Variants in DIAPH2 observed in about 807,000 individuals in gnomAD.
DIAPH2 encodes diaphanous related formin 2.
A neutral mutation model predicts 92.7 loss-of-function variants in DIAPH2; 35 were observed. The ratio of observed to expected loss-of-function variants is 0.38; its 90% CI spans 0.29 to 0.50. DIAPH2 has a LOEUF of 0.50. Ranked by LOEUF, DIAPH2 falls within the 20% of genes least tolerant of loss-of-function variation. The pLI, the probability that DIAPH2 is intolerant of heterozygous loss-of-function variation, is 0.94. For missense variants in DIAPH2, 701 were observed against 819.5 expected, an observed-to-expected ratio of 0.86 and a Z score of 1.77; for synonymous variants, 301 against 280.4, an observed-to-expected ratio of 1.07 and a Z score of -0.73.
In DIAPH2 at chrX:97,089,331, T is replaced by C. The variant is rs193259179; in HGVS notation, c.2248-10363T>C. On this transcript the variant is annotated intron_variant, in intron 19 of 26. Transcript: ENST00000324765. The stretch of plus-strand genomic sequence containing the variant: ...ATCCTGAAAGCATGGGCTTATCTGA[T>C]CTTAGGGCCAAGTCTCCTCAGAAGA... Among the ~76,000 whole-genome samples, 621 of 111,570 alleles carry C rather than the reference T, an allele frequency of 5.6e-3. 5 individuals are homozygous for C. Among genetic ancestry groups the C allele is most frequent in the African/African-American group, 0.019 (588 of 30,693 alleles).
intron 24 of DIAPH2, among the ~76,000 whole-genome samples, chrX:97,354,598 T>G (rs757478112): frequency 8.9e-6 from 1 of 111,823 alleles, no homozygotes; most frequent in Non-Finnish European, 1.9e-5. Flanking sequence ...GGTCTCAAAC[T>G]CCTGACCTCA....
intron 25 of DIAPH2, among the ~76,000 whole-genome samples, chrX:97,394,833 T>C (rs746849571): frequency 8.5e-4 from 95 of 111,659 alleles, no homozygotes; most frequent in Non-Finnish European, 1.2e-3. Flanking sequence ...CCCAGTGACA[T>C]GTAATCTGTC....
At chrX:96,880,550 G>A (rs2065206709) in intron 4 of DIAPH2, among the ~76,000 whole-genome samples, 2 of 111,374 alleles carry the variant, frequency 1.8e-5, no homozygotes, top group Non-Finnish European at 3.8e-5. Flanking sequence ...ACCCAATGGG[G>A]AAAAATTCCT....
At chrX:97,508,733 T>TGGATAACTCATATCCATCAAAG (rs2070855376) in intron 26 of DIAPH2, among the ~76,000 whole-genome samples, 1 of 112,066 alleles carries the variant, frequency 8.9e-6, no homozygotes, top group Non-Finnish European at 1.9e-5. Context: ...CATCAAAGTT[T>TGGATAACTCATATCCATCAAAG]CTAATTTACA....
intron 23 of DIAPH2, among the ~76,000 whole-genome samples, chrX:97,316,500 A>C (rs1292455942): frequency 2.8e-5 from 3 of 108,246 alleles, no homozygotes; most frequent in Non-Finnish European, 5.8e-5. Flanking sequence ...AAAAAAAAAA[A>C]AAAAAACTAG....
At chrX:96,948,223 T>A (rs1199100984) in intron 14 of DIAPH2, among the ~76,000 whole-genome samples, 1 of 112,217 alleles carries the variant, frequency 8.9e-6, no homozygotes, top group Non-Finnish European at 1.9e-5. Context: ...AGTTAAGGAG[T>A]TGAAACTGCT....
intron 16 of DIAPH2, among the ~76,000 whole-genome samples, chrX:96,961,365 C>T: frequency 9.4e-6 from 1 of 106,586 alleles, no homozygotes; most frequent in East Asian, 2.9e-4. Flanking sequence ...TGTAAGGTCT[C>T]CTCTTCCATT....
chrX:96,749,149 T>A (rs5990656), intron 3 of DIAPH2, among the ~76,000 whole-genome samples: 32,951 of 70,647 alleles, frequency 0.47, 8,518 homozygotes, highest in Non-Finnish European at 0.58. Flanking sequence ...AAAAAAAATA[T>A]ATATATATAT....
chrX:96,931,167 A>G (rs1262588477), intron 10 of DIAPH2, among the ~76,000 whole-genome samples: 1 of 111,485 alleles, frequency 9.0e-6, no homozygotes, highest in East Asian at 2.8e-4. Flanking sequence ...CATTTAAAAT[A>G]TTCTGCTTTC....
intron 21 of DIAPH2, among the ~76,000 whole-genome samples, chrX:97,132,553 C>T (rs1056733047): frequency 8.9e-6 from 1 of 111,829 alleles, no homozygotes; most frequent in African/African-American, 3.3e-5. Context: ...GGGCACAGAA[C>T]TTAATTTTGT....
chrX:97,165,075 G>A (rs770085633), intron 22 of DIAPH2, among the ~76,000 whole-genome samples: 1 of 112,607 alleles, frequency 8.9e-6, no homozygotes, highest in African/African-American at 3.2e-5. Flanking sequence ...GTCATACAGT[G>A]GTGATCAAAG....
chrX:96,835,995 A>G (rs1425324835), intron 4 of DIAPH2, among the ~76,000 whole-genome samples: 1 of 110,607 alleles, frequency 9.0e-6, no homozygotes, highest in African/African-American at 3.3e-5. Context: ...TTGTATTTTT[A>G]GTAGAGACAG....
Position 97,073,015 on chromosome X carries a change from T to C in DIAPH2, c.2125T>C (p.Leu709=). ...TKKKVKELRI[L]DPKTAQNLSI... Reference sequence around the variant, plus strand: ...GAAGAAAGTGAAAGAACTGAGAATTTTGGATCCCAAAACAGCTCAGAATCT... The same window carrying C: ...GAAGAAAGTGAAAGAACTGAGAATTCTGGATCCCAAAACAGCTCAGAATCT... The change falls in exon 18 of 27, where the codon TTG becomes CTG. Residue 709 remains leucine, a synonymous_variant. Coordinates refer to ENST00000324765, the MANE Select transcript of DIAPH2 (RefSeq NM_006729.5). The C allele has an allele frequency of 2.5e-6, 3 of 1,202,033 alleles. No homozygotes were observed. Among genetic ancestry groups the C allele is most frequent in the Admixed American group, 2.2e-5 (1 of 44,605 alleles).
At chrX:96,981,137 G>T (rs2065994344) in intron 17 of DIAPH2, among the ~76,000 whole-genome samples, 1 of 109,881 alleles carries the variant, frequency 9.1e-6, no homozygotes, top group Non-Finnish European at 1.9e-5. Flanking sequence ...TCATGCCACT[G>T]CAATGTAGCC....
intron 22 of DIAPH2, among the ~76,000 whole-genome samples, chrX:97,185,327 GTATATATATATATGTATATATATA>G (rs2067574164): frequency 2.6e-4 from 1 of 3,881 alleles, no homozygotes; most frequent in African/African-American, 1.1e-3. Flanking sequence ...ATATATATGT[GTATATATATATATGTATATATATA>G]TGTGTGTATA....
At chrX:97,010,169 C>G (rs2066214442) in intron 17 of DIAPH2, among the ~76,000 whole-genome samples, 1 of 112,061 alleles carries the variant, frequency 8.9e-6, no homozygotes, top group African/African-American at 3.2e-5. Context: ...AATGTTCCCT[C>G]TGTGGGCACT....
chrX:97,328,682 C>A (rs1165938730), intron 23 of DIAPH2, among the ~76,000 whole-genome samples: 1 of 110,804 alleles, frequency 9.0e-6, no homozygotes, highest in African/African-American at 3.3e-5. Context: ...CCCTATTTTT[C>A]TGCTTTTAAT....
intron 4 of DIAPH2, among the ~76,000 whole-genome samples, chrX:96,797,253 G>A (rs745871731): frequency 3.6e-5 from 4 of 110,958 alleles, no homozygotes; most frequent in Non-Finnish European, 7.5e-5. Context: ...GGCCGAGGCA[G>A]GTGGATCACC....
chrX:96,844,997 T>C (rs2064961835), intron 4 of DIAPH2, among the ~76,000 whole-genome samples: 1 of 112,301 alleles, frequency 8.9e-6, no homozygotes, highest in East Asian at 2.8e-4. Context: ...CTTCTTAGTC[T>C]ATCATTAATC....
Sources: allele counts gnomAD v4.1 joint callset (sites outside exome capture counted in the v4.1 genomes callset), GRCh38; gene constraint gnomAD v4.1.1; transcripts MANE v1.5; gene names NCBI Gene and HGNC (gene_info 2026-07-23, HGNC 2026-07-21).